The following MAPKAP1 variants were observed in gnomAD, a reference collection of about 807,000 sequenced individuals.
MAPKAP1 encodes the protein target of rapamycin complex 2 subunit MAPKAP1.
Under a neutral mutation model 65.7 loss-of-function variants are expected in MAPKAP1, and 20 were observed. That is an observed-to-expected ratio of 0.30 (90% CI 0.21 to 0.44). The LOEUF is 0.44. Ranked by LOEUF, MAPKAP1 falls within the 20% of genes least tolerant of loss-of-function variation. The probability of loss-of-function intolerance (pLI) is 1.00; values close to 1 mark genes in which losing one functional copy is unlikely to be tolerated. For synonymous variants in MAPKAP1, 222 were observed against 244.3 expected (o/e 0.91, Z 0.85); for missense variants, 423 against 648.0 (o/e 0.65, Z 3.77).
intron 6 of MAPKAP1, among the ~76,000 whole-genome samples, chr9:125,544,756 G>GA (rs1830371991): frequency 1.3e-5 from 2 of 152,226 alleles, no homozygotes; most frequent in African/African-American, 4.8e-5. Flanking sequence ...AAACATGGCA[G>GA]AACTTCATAT....
At chr9:125,507,187 G>A (rs1674559065) in intron 7 of MAPKAP1, among the ~76,000 whole-genome samples, 1 of 152,164 alleles carries the variant, frequency 6.6e-6, no homozygotes, top group African/African-American at 2.4e-5. Context: ...ATAAAACACT[G>A]CAGCATTTTA....
chr9:125,627,536 G>T (rs770442426), intron 4 of MAPKAP1, among the ~76,000 whole-genome samples: 5 of 152,096 alleles, frequency 3.3e-5, no homozygotes, highest in Admixed American at 1.3e-4. Flanking sequence ...CTGAGAAAGG[G>T]AACCACTGGA....
rs80041183 is a variant in MAPKAP1 at position 125,582,511 on chromosome 9, C to T, written c.671+3044G>A. On this transcript the variant is annotated intron_variant, in intron 5 of 11. Coordinates refer to ENST00000265960, the MANE Select transcript of MAPKAP1 (RefSeq NM_001006617.3). Reference sequence around the variant, plus strand: ...TACAGATATTGCCACCACCCTCCACCCTCATCCAAACAGAGGCCTCCAGAC... The same window carrying T: ...TACAGATATTGCCACCACCCTCCACTCTCATCCAAACAGAGGCCTCCAGAC... Among the ~76,000 whole-genome samples the T allele has an allele frequency of 4.9e-3, 752 of 152,278 alleles. 4 individuals are homozygous for T. Among genetic ancestry groups the T allele is most frequent in the African/African-American group, 0.017 (711 of 41,546 alleles).
At chr9:125,574,076 G>T (rs762588177) in intron 5 of MAPKAP1, among the ~76,000 whole-genome samples, 3 of 152,166 alleles carry the variant, frequency 2.0e-5, no homozygotes, top group Non-Finnish European at 2.9e-5. Context: ...ATGCATGAAT[G>T]AATAGAAATG....
rs1424083349 is a variant in MAPKAP1, at chr9:125,459,233, G to C, written c.1345+8739C>G. ...CAGACGATGGGCGGCGGGGCAGAGAGGCTCCTCACTTCCTAGATGTGATGG... is the reference window on the plus strand; with the variant it reads ...CAGACGATGGGCGGCGGGGCAGAGACGCTCCTCACTTCCTAGATGTGATGG... On this transcript the variant is annotated intron_variant, in intron 10 of 11. Transcript: ENST00000265960. 8.1e-5 allele frequency among the ~76,000 whole-genome samples: 12 copies of C among 148,066 alleles called. No individual in the cohort carries two copies. The South Asian group carries it at 1.1e-3, about 13-fold the overall frequency.
At chr9:125,473,263 GGGGC>G (rs1853991566) in intron 9 of MAPKAP1, among the ~76,000 whole-genome samples, 1 of 152,044 alleles carries the variant, frequency 6.6e-6, no homozygotes, top group Non-Finnish European at 1.5e-5. Flanking sequence ...AAAGAGCACG[GGGGC>G]TGGCCGGGAG....
At chr9:125,614,361 T>C (rs1198821103) in intron 4 of MAPKAP1, among the ~76,000 whole-genome samples, 1 of 152,190 alleles carries the variant, frequency 6.6e-6, no homozygotes, top group African/African-American at 2.4e-5. Context: ...TGATGGCTCA[T>C]ACTTGTAATC....
In MAPKAP1 at chr9:125,575,611, C is replaced by A. The variant is rs551047433; in HGVS notation, c.671+9944G>T. On this transcript the variant is annotated intron_variant, in intron 5 of 11. Coordinates refer to ENST00000265960, the MANE Select transcript of MAPKAP1 (RefSeq NM_001006617.3). ...TAACAAATAAGCATATGAAGATGCT[C>A]AACATGATGTAATTAGGGAATTACA... is the stretch of plus-strand genomic sequence containing the variant. Among the ~76,000 whole-genome samples, 47 of 152,298 alleles carry A rather than the reference C, an allele frequency of 3.1e-4. No individual in the cohort carries two copies. In the South Asian group the frequency reaches 3.9e-3, roughly 13 times the overall value.
intron 4 of MAPKAP1, among the ~76,000 whole-genome samples, chr9:125,630,641 C>CTA (rs1315352074): frequency 6.6e-6 from 1 of 152,176 alleles, no homozygotes; most frequent in Admixed American, 6.5e-5. Context: ...ACACTGAACC[C>CTA]TTAATCATGG....
chr9:125,543,229 A>G (rs1055799665), intron 6 of MAPKAP1, 61 bp from the exon 7 acceptor site: 1 of 1,229,000 alleles, frequency 8.1e-7, no homozygotes, highest in South Asian at 1.2e-5. Context: ...TGTTACTGCA[A>G]TCTTCACTGT....
At chr9:125,675,326 AAAAGTC>A in intron 1 of MAPKAP1, among the ~76,000 whole-genome samples, 1 of 152,362 alleles carries the variant, frequency 6.6e-6, no homozygotes, top group East Asian at 1.9e-4. Context: ...TCTAGCACCA[AAAAGTC>A]AAATGGCAAA....
intron 5 of MAPKAP1, among the ~76,000 whole-genome samples, chr9:125,585,165 C>T (rs917290580): frequency 1.3e-5 from 2 of 152,120 alleles, no homozygotes; most frequent in African/African-American, 4.8e-5. Context: ...GGATCATTAC[C>T]CTCACCTCCC....
chr9:125,607,451 C>T (rs1219935308), intron 4 of MAPKAP1, among the ~76,000 whole-genome samples: 7 of 152,196 alleles, frequency 4.6e-5, no homozygotes, highest in Admixed American at 4.6e-4. Flanking sequence ...TAATCTCAAA[C>T]AACTCTGAGT....
intron 4 of MAPKAP1, among the ~76,000 whole-genome samples, chr9:125,586,719 G>A (rs1353525315): frequency 6.6e-6 from 1 of 152,238 alleles, no homozygotes; most frequent in East Asian, 1.9e-4. Context: ...CCTCACAGAA[G>A]GCTTGCACAC....
chr9:125,612,053 A>G (rs952983553), intron 4 of MAPKAP1, among the ~76,000 whole-genome samples: 2 of 152,192 alleles, frequency 1.3e-5, no homozygotes, highest in Non-Finnish European at 2.9e-5. Flanking sequence ...TCCAAAATGT[A>G]ATATGCTCCA....
At chr9:125,549,311 A>T (rs1481377339) in intron 6 of MAPKAP1, among the ~76,000 whole-genome samples, 1 of 152,168 alleles carries the variant, frequency 6.6e-6, no homozygotes, top group Non-Finnish European at 1.5e-5. Flanking sequence ...ATGAAGACAC[A>T]CTCTAGTTCC....
chr9:125,602,929 C>G (rs1413136685), intron 4 of MAPKAP1, among the ~76,000 whole-genome samples: 2 of 152,296 alleles, frequency 1.3e-5, no homozygotes, highest in African/African-American at 4.8e-5. Context: ...GGGTCTCACT[C>G]TTTTGTCCAG....
Position 125,669,837 on chromosome 9 carries a change from T to C in MAPKAP1, c.330A>G (p.Glu110=). The change falls in exon 3 of 12, where the codon GAA becomes GAG. Residue 110 remains glutamate (E), a synonymous_variant. Coordinates refer to ENST00000265960, the MANE Select transcript of MAPKAP1 (RefSeq NM_001006617.3). ...QIKCKNIQWK[E]RNSKQSAQEL... is the part of the protein sequence containing the mutation. ...ATTTACCTGATTGCTTAGAATTTCT[T>C]TCTTTCCACTGAATATTTTTGCATT... The C allele has an allele frequency of 6.3e-7, 1 of 1,576,008 alleles. No individual in the cohort carries two copies. Among genetic ancestry groups the C allele is most frequent in the Non-Finnish European group, 8.7e-7 (1 of 1,152,772 alleles).
intron 11 of MAPKAP1, among the ~76,000 whole-genome samples, chr9:125,441,293 T>C (rs1564511794): frequency 1.3e-5 from 2 of 152,142 alleles, no homozygotes; most frequent in Non-Finnish European, 2.9e-5. Flanking sequence ...ATGGCTTAGC[T>C]CAGTGACATC....
Sources: allele counts gnomAD v4.1 joint callset (sites outside exome capture counted in the v4.1 genomes callset), GRCh38; gene constraint gnomAD v4.1.1; transcripts MANE v1.5; gene names NCBI Gene and HGNC (gene_info 2026-07-23, HGNC 2026-07-21).